The following ABCA3 variants were observed in gnomAD, a reference collection of about 807,000 sequenced individuals.
ABCA3 encodes the protein ATP binding cassette subfamily A member 3.
ABCA3 carries 88 observed loss-of-function variants against 172.8 expected under a neutral mutation model. That is an observed-to-expected ratio of 0.51 (90% CI 0.43 to 0.61). The LOEUF is 0.61. Among genes scored for constraint, ABCA3 ranks in the 20% least tolerant of loss-of-function variants. The pLI, the probability that ABCA3 is intolerant of heterozygous loss-of-function variation, is 0.00. For synonymous variants in ABCA3, 1,066 were observed against 983.8 expected (o/e 1.08, Z -1.56); for missense variants, 2,164 against 2,301.0 (o/e 0.94, Z 1.22).
In ABCA3 at chr16:2,286,035, A is replaced by G. The variant is rs1195850062; in HGVS notation, c.3279-389T>C. On this transcript the variant is annotated intron_variant, in intron 22 of 32. Transcript: ENST00000301732. This position sits in a 1 kb window ranked among gnomAD's most constrained non-coding sequence, Gnocchi z 5.2. The stretch of plus-strand genomic sequence containing the variant: ...AGGATCCTGAGTTGATGGCAAGGAG[A>G]GCAGATCGAGGGCTGTTGCTTTTCT... Among the ~76,000 whole-genome samples the G allele has an allele frequency of 6.6e-6, 1 of 152,052 alleles. No individual in the cohort carries two copies. Among genetic ancestry groups the G allele is most frequent in the Non-Finnish European group, 1.5e-5 (1 of 68,004 alleles).
chr16:2,283,930 G>A lies in ABCA3; in HGVS notation c.3862+349C>T. ...ATGGAGGCGGTGGTGGGGAGTAGGT[G>A]CAGCCAGGAGCTCAGGATGCCTGGA... On this transcript the variant is annotated intron_variant, in intron 25 of 32. Coordinates refer to ENST00000301732, the MANE Select transcript of ABCA3 (RefSeq NM_001089.3). This position sits in a 1 kb window ranked among gnomAD's most constrained non-coding sequence, Gnocchi z 5.4. The A allele has an allele frequency of 3.5e-6, 1 of 283,270 alleles. No homozygotes were observed. Among genetic ancestry groups the A allele is most frequent in the Non-Finnish European group, 6.8e-6 (1 of 147,642 alleles). The allele number at this position is 283,270 out of a possible 1,614,324, so 17.5% of individuals were successfully genotyped here. A position where few individuals can be genotyped will look rare whatever the true frequency, so the allele number is the denominator to read the frequency against.
At chr16:2,332,816 C>CG in intron 1 of ABCA3, 1 of 477,884 alleles carries the variant, frequency 2.1e-6, no homozygotes, top group East Asian at 3.7e-5. Flanking sequence ...CCTATGTGCC[C>CG]TTTTTTTTTT....
chr16:2,335,730 G>A (rs1239305151), intron 1 of ABCA3, among the ~76,000 whole-genome samples: 2 of 152,186 alleles, frequency 1.3e-5, no homozygotes, highest in African/African-American at 2.4e-5. Context: ...GCGTGTTGGA[G>A]TTTACAAGTT....
chr16:2,307,485 C>CA (rs1294916983), intron 11 of ABCA3, among the ~76,000 whole-genome samples: 1 of 151,758 alleles, frequency 6.6e-6, no homozygotes, highest in Admixed American at 6.6e-5. Flanking sequence ...AACCCAGAGG[C>CA]AGAGGTTGAG....
intron 7 of ABCA3, among the ~76,000 whole-genome samples, chr16:2,321,668 C>T (rs968302259): frequency 2.6e-5 from 4 of 152,098 alleles, no homozygotes; most frequent in African/African-American, 9.7e-5. Flanking sequence ...CAAGACCATG[C>T]TTCAGAGGAG....
intron 10 of ABCA3, among the ~76,000 whole-genome samples, chr16:2,315,938 C>G (rs1277136504): frequency 1.3e-5 from 2 of 149,364 alleles, no homozygotes; most frequent in Non-Finnish European, 3.0e-5. Flanking sequence ...CTGCCTTGAC[C>G]TCCTAAAGTG....
rs78084072 is a variant in ABCA3 at position 2,287,594 on chromosome 16, A to G, written c.3004+432T>C. Among the ~76,000 whole-genome samples the G allele has an allele frequency of 6.2e-3, 939 of 152,274 alleles. 17 individuals are homozygous for G. The highest frequency in any genetic ancestry group is 0.027 in the Middle Eastern group (8 of 294). ...TGCCTGGCCAAGAACTGTGAGTTTT[A>G]AGATGTTGAAAGAAAACACCCTGTC... is the stretch of plus-strand genomic sequence containing the variant. On this transcript the variant is annotated intron_variant, in intron 21 of 32. Coordinates refer to ENST00000301732, the MANE Select transcript of ABCA3 (RefSeq NM_001089.3). The surrounding 1 kb of genome is among the most constrained non-coding windows in gnomAD (Gnocchi z 4.1).
intron 12 of ABCA3, among the ~76,000 whole-genome samples, chr16:2,302,111 T>C (rs2093690408): frequency 6.6e-6 from 1 of 152,370 alleles, no homozygotes; most frequent in East Asian, 1.9e-4. Flanking sequence ...TAATGGAATA[T>C]CTATAGAAAC....
In ABCA3 at chr16:2,285,412, G is replaced by C. The variant is rs1263939643; in HGVS notation, c.3483+30C>G. ...GGGCAAGCCCTCTGCGGTCTGCAGG[G>C]GAACGGATCCAGCACCCTCCGGCGC... On this transcript the variant is annotated intron_variant, in intron 23 of 32. Coordinates refer to ENST00000301732, the MANE Select transcript of ABCA3 (RefSeq NM_001089.3). The surrounding 1 kb of genome is among the most constrained non-coding windows in gnomAD (Gnocchi z 4.7). The C allele has an allele frequency of 2.5e-6, 4 of 1,584,200 alleles. No individual in the cohort carries two copies.
intron 12 of ABCA3, 31 bp downstream of exon 12, chr16:2,303,938 G>C: frequency 6.2e-7 from 1 of 1,613,224 alleles, no homozygotes; most frequent in South Asian, 1.1e-5. Context: ...TCAGAGAGGC[G>C]GCGGCTCAAG....
In ABCA3 at chr16:2,297,682, G is replaced by A; in HGVS notation, c.2052+84C>T. 6.3e-7 allele frequency: 1 copy of A among 1,597,058 alleles called. No individual in the cohort carries two copies. The highest frequency in any genetic ancestry group is 8.5e-7 in the Non-Finnish European group (1 of 1,177,274). The stretch of plus-strand genomic sequence containing the variant: ...TGATGGCCTTGTCTGGGGTGTCAAG[G>A]GCCAAGGTGCCCGGGCCATGGCGGA... On this transcript the variant is annotated intron_variant, in intron 16 of 32. Coordinates refer to ENST00000301732, the MANE Select transcript of ABCA3 (RefSeq NM_001089.3). This position sits in a 1 kb window ranked among gnomAD's most constrained non-coding sequence, Gnocchi z 5.6.
intron 19 of ABCA3, among the ~76,000 whole-genome samples, chr16:2,291,558 C>T (rs2093672016): frequency 6.6e-6 from 1 of 152,228 alleles, no homozygotes; most frequent in Admixed American, 6.5e-5. Flanking sequence ...GCCTCTGACG[C>T]CGTGTGCCAG....
intron 18 of ABCA3, among the ~76,000 whole-genome samples, chr16:2,294,676 C>A (rs1327424092): frequency 6.6e-6 from 1 of 152,062 alleles, no homozygotes; most frequent in East Asian, 1.9e-4. Context: ...CAGAGCAAGA[C>A]CTTGTTTTTA....
At position 2,300,032 on chromosome 16, in the gene ABCA3, C is replaced by T. The variant is rs377539769; in HGVS notation, c.1584G>A (p.Ala528=). 356 of 1,613,262 alleles carry T rather than the reference C, an allele frequency of 2.2e-4. No homozygotes were observed. Among genetic ancestry groups the T allele is most frequent in the Non-Finnish European group, 2.9e-4 (341 of 1,179,954 alleles). ...YFEAEPEDLV[A]GIKIKHLSKV... is the part of the protein sequence containing the mutation. ...TGGACAGGTGCTTGATCTTGATCCC[C>T]GCCACCAGGTCCTCTGGCTCGGCTT... The change falls in exon 13 of 33, where the codon GCG becomes GCA. Residue 528 remains alanine, a synonymous_variant. Coordinates refer to ENST00000301732, the MANE Select transcript of ABCA3 (RefSeq NM_001089.3).
chr16:2,293,367 CTTTTTT>C (rs71148126), intron 18 of ABCA3, among the ~76,000 whole-genome samples: 1 of 103,428 alleles, frequency 9.7e-6, no homozygotes, highest in Non-Finnish European at 1.9e-5. Context: ...GCCAAAATGC[CTTTTTT>C]TTTTTTTTTT....
At chr16:2,300,178 G>C in intron 12 of ABCA3, 30 bp from the exon 13 acceptor site, 1 of 1,612,720 alleles carries the variant, frequency 6.2e-7, no homozygotes, top group South Asian at 1.1e-5. Context: ...CTGTCAGTTT[G>C]TTTTGTTTGT....
Position 2,317,670 on chromosome 16 carries a change from A to G in ABCA3, c.968T>C (p.Met323Thr). 6.2e-7 allele frequency: 1 copy of G among 1,614,240 alleles called. No individual in the cohort carries two copies. Among genetic ancestry groups the G allele is most frequent in the Non-Finnish European group, 8.5e-7 (1 of 1,180,040 alleles). Residue 323 changes from methionine (M) to threonine (T), a missense_variant, in exon 9 of 33, where the codon ATG becomes ACG. Around this residue, in one of 3 missense-constraint regions of ABCA3, gnomAD observed 1,343 missense variants for 1,369.6 expected, o/e 0.98. Coordinates refer to ENST00000301732, the MANE Select transcript of ABCA3 (RefSeq NM_001089.3). ...FLFLLIAASF[M>T]TLLFCVKVKP... ...CACCTTGACACAGAAGAGCAGGGTC[A>G]TGAAGGAGGCGGCGATGAGGAGGAA... is the stretch of plus-strand genomic sequence containing the variant.
Position 2,278,172 on chromosome 16 carries a change from C to T in ABCA3, c.4719-103G>A. 1 of 1,596,350 alleles carries T rather than the reference C, an allele frequency of 6.3e-7. No individual in the cohort carries two copies. Among genetic ancestry groups the T allele is most frequent in the South Asian group, 1.1e-5 (1 of 90,660 alleles). ...TCAGGCTGTTCCTGATACCCATGCTCAGTGTGGCTCACGGGCAGACTCTGC... is the reference window on the plus strand; with the variant it reads ...TCAGGCTGTTCCTGATACCCATGCTTAGTGTGGCTCACGGGCAGACTCTGC... On this transcript the variant is annotated intron_variant, in intron 30 of 32. Coordinates refer to ENST00000301732, the MANE Select transcript of ABCA3 (RefSeq NM_001089.3). This position sits in a 1 kb window ranked among gnomAD's most constrained non-coding sequence, Gnocchi z 4.4.
At chr16:2,308,263 C>A (rs1255715234) in intron 11 of ABCA3, among the ~76,000 whole-genome samples, 187 bp downstream of exon 11, 1 of 152,186 alleles carries the variant, frequency 6.6e-6, no homozygotes, top group African/African-American at 2.4e-5. Context: ...CTGGGCTTCC[C>A]TCGCCCGGGG....
Sources: gnomAD v4.1 joint callset for allele counts (sites outside exome capture counted in the v4.1 genomes callset) on GRCh38, gnomAD v4.1.1 for gene constraint, gnomAD v4.1.1 regional missense constraint, Gnocchi (gnomAD v3.1) non-coding constraint, MANE v1.5 for transcripts, NCBI Gene and HGNC (gene_info 2026-07-23, HGNC 2026-07-21) for gene names.